PARVA: variants seen among roughly 807,000 people sequenced by gnomAD.
PARVA encodes the protein alpha-parvin.
Under a neutral mutation model 52.6 loss-of-function variants are expected in PARVA, and 25 were observed. That is an observed-to-expected ratio of 0.48 (90% CI 0.35 to 0.66). The LOEUF (loss-of-function observed/expected upper bound fraction) is 0.66. PARVA is among the 30% of genes least tolerant of loss of function. The pLI, the probability that PARVA is intolerant of heterozygous loss-of-function variation, is 0.01. For synonymous variants in PARVA, 185 were observed against 179.1 expected, an observed-to-expected ratio of 1.03 and a Z score of -0.26; for missense variants, 373 against 450.9, an observed-to-expected ratio of 0.83 and a Z score of 1.56.
chr11:12,377,773 A>G lies in PARVA; in HGVS notation c.126A>G (p.Lys42=). Residue 42 remains lysine (K), a synonymous_variant, in exon 1 of 13, where the codon AAA becomes AAG. Transcript: ENST00000334956. ...KLGGTLARRK[K]AKEVSELQEE... is the part of the protein sequence containing the mutation. Reference sequence around the variant, plus strand: ...GAGGGACCCTGGCCCGGAGGAAGAAAGCCAAGGAGGGTGAGTGCGGCCAGG... The same window carrying G: ...GAGGGACCCTGGCCCGGAGGAAGAAGGCCAAGGAGGGTGAGTGCGGCCAGG... 1 of 1,513,418 alleles carries G rather than the reference A, an allele frequency of 6.6e-7. No individual in the cohort carries two copies. The highest frequency in any genetic ancestry group is 8.8e-7 in the Non-Finnish European group (1 of 1,134,656). 93.7% of individuals were successfully genotyped at this position (1,513,418 alleles called of 1,614,324 possible).
At chr11:12,485,977 G>A (rs758470939) in intron 4 of PARVA, among the ~76,000 whole-genome samples, 1 of 152,178 alleles carries the variant, frequency 6.6e-6, no homozygotes, top group Non-Finnish European at 1.5e-5. Context: ...AGGACGCTAA[G>A]GAGACATGAA....
chr11:12,459,028 G>C (rs1940737713), intron 1 of PARVA, among the ~76,000 whole-genome samples: 2 of 152,196 alleles, frequency 1.3e-5, no homozygotes, highest in Admixed American at 6.5e-5. Context: ...AGACATTGGA[G>C]AAAGGAGACA....
intron 10 of PARVA, among the ~76,000 whole-genome samples, chr11:12,514,301 T>C (rs999458993): frequency 1.3e-5 from 2 of 152,230 alleles, no homozygotes; most frequent in African/African-American, 2.4e-5. Flanking sequence ...CGATTGTTAA[T>C]ATTTGGCCAC....
intron 1 of PARVA, among the ~76,000 whole-genome samples, chr11:12,382,467 A>G (rs921394445): frequency 6.6e-6 from 1 of 151,106 alleles, no homozygotes; most frequent in Non-Finnish European, 1.5e-5. Flanking sequence ...ATATTTTCCC[A>G]TATAGTTATT....
In PARVA at chr11:12,450,231, A is replaced by G. The variant is rs773733745; in HGVS notation, c.137-23514A>G. ...TTATTAAGTCAAGATCTTTGTACAT[A>G]TTGACTCATTTCATCTTTGCCGCCA... is the stretch of plus-strand genomic sequence containing the variant. On this transcript the variant is annotated intron_variant, in intron 1 of 12. Transcript: ENST00000334956. 1.3e-4 allele frequency among the ~76,000 whole-genome samples: 20 copies of G among 152,308 alleles called. 1 individual carries two copies. The Middle Eastern group carries it at 0.027, about 207-fold the overall frequency.
chr11:12,492,647 A>G (rs1941247425), intron 4 of PARVA, among the ~76,000 whole-genome samples: 1 of 152,194 alleles, frequency 6.6e-6, no homozygotes, highest in Admixed American at 6.5e-5. Flanking sequence ...AATGTTAGAA[A>G]ATTAAAATAT....
chr11:12,523,438 G>A (rs924298788), intron 12 of PARVA, among the ~76,000 whole-genome samples: 2 of 152,190 alleles, frequency 1.3e-5, no homozygotes, highest in African/African-American at 4.8e-5. Flanking sequence ...CTTCAGCAGT[G>A]CCTTGGGATG....
At chr11:12,435,625 G>T (rs1368785266) in intron 1 of PARVA, among the ~76,000 whole-genome samples, 1 of 152,154 alleles carries the variant, frequency 6.6e-6, no homozygotes, top group African/African-American at 2.4e-5. Context: ...ATGATGAGTG[G>T]GTGGTTCCTA....
intron 4 of PARVA, among the ~76,000 whole-genome samples, chr11:12,494,233 C>T (rs996630402): frequency 6.6e-6 from 1 of 152,154 alleles, no homozygotes; most frequent in Non-Finnish European, 1.5e-5. Context: ...ACATTTTCGG[C>T]CAGAGTTTTT....
At position 12,534,200 on chromosome 11, in the gene PARVA, T is replaced by G. The variant is rs533828550; in HGVS notation, c.*6275T>G. On this transcript the variant is annotated 3_prime_UTR_variant, in exon 13 of 13. Transcript: ENST00000334956. ...CAAAACAAAACAAAACAAAAATCCA[T>G]GAACAAGTGGACCTGCCCAGTTCAA... Among the ~76,000 whole-genome samples, 82 of 152,252 alleles carry G rather than the reference T, an allele frequency of 5.4e-4. No homozygotes were observed. Among genetic ancestry groups the G allele is most frequent in the African/African-American group, 1.5e-3 (63 of 41,546 alleles).
chr11:12,500,431 C>T (rs566465996), intron 5 of PARVA, among the ~76,000 whole-genome samples: 1 of 152,252 alleles, frequency 6.6e-6, no homozygotes, highest in East Asian at 1.9e-4. Flanking sequence ...CACAAATGTT[C>T]AACAGTGGGT....
At chr11:12,386,345 T>C (rs1191010501) in intron 1 of PARVA, among the ~76,000 whole-genome samples, 1 of 152,234 alleles carries the variant, frequency 6.6e-6, no homozygotes, top group African/African-American at 2.4e-5. Flanking sequence ...TGCCTTTACA[T>C]GCTGTTCCAT....
chr11:12,377,520 T>TGCCTC (rs1225832629), upstream of PARVA: 11 of 1,422,886 alleles, frequency 7.7e-6, no homozygotes, highest in Non-Finnish European at 1.0e-5. Context: ...GAGCGTGAGC[T>TGCCTC]GCCTCAAATG....
intron 1 of PARVA, among the ~76,000 whole-genome samples, chr11:12,398,975 C>T (rs1565327312): frequency 1.3e-5 from 2 of 152,036 alleles, no homozygotes; most frequent in African/African-American, 2.4e-5. Context: ...GAACCCTATA[C>T]GTAACTATGA....
intron 7 of PARVA, 114 bp downstream of exon 7, chr11:12,508,756 G>A: frequency 1.2e-6 from 1 of 833,656 alleles, no homozygotes; most frequent in South Asian, 1.5e-5. Flanking sequence ...GGAGGGATTA[G>A]ACTTCAGCCA....
intron 1 of PARVA, among the ~76,000 whole-genome samples, chr11:12,458,126 G>A (rs1426425827): frequency 6.6e-6 from 1 of 152,214 alleles, no homozygotes. Context: ...TCAGATGAAG[G>A]GGTCACTGGC....
chr11:12,462,164 A>G (rs1186467756), intron 1 of PARVA, among the ~76,000 whole-genome samples: 2 of 152,348 alleles, frequency 1.3e-5, no homozygotes, highest in African/African-American at 2.4e-5. Flanking sequence ...TTCCCTTAAC[A>G]GAAAAAGCTA....
At chr11:12,446,066 TAC>T (rs1940543237) in intron 1 of PARVA, among the ~76,000 whole-genome samples, 1 of 152,058 alleles carries the variant, frequency 6.6e-6, no homozygotes, top group African/African-American at 2.4e-5. Context: ...CCTTTTTTTG[TAC>T]AAAGAAAATC....
At chr11:12,478,221 T>C in intron 4 of PARVA, 1 of 501,186 alleles carries the variant, frequency 2.0e-6, no homozygotes. Context: ...GACCCCACTG[T>C]ATATTAATAA....
Sources: gnomAD v4.1 joint callset for allele counts (sites outside exome capture counted in the v4.1 genomes callset) on GRCh38, gnomAD v4.1.1 for gene constraint, MANE v1.5 for transcripts, NCBI Gene and HGNC (gene_info 2026-07-23, HGNC 2026-07-21) for gene names.